PARD3B: variants seen among roughly 807,000 people sequenced by gnomAD.
PARD3B encodes the protein par-3 family cell polarity regulator beta, also known as partitioning defective 3 homolog B.
A neutral mutation model predicts 130.2 loss-of-function variants in PARD3B; 103 were observed. The observed-to-expected ratio is 0.79, with a 90% CI of 0.67 to 0.93. The LOEUF (loss-of-function observed/expected upper bound fraction) is 0.93. Among genes scored for constraint, PARD3B ranks in the 40% least tolerant of loss-of-function variants. PARD3B has a pLI of 0.00. For synonymous variants in PARD3B, 583 were observed against 553.2 expected (o/e 1.05, Z -0.76); for missense variants, 1,609 against 1,499.2 (o/e 1.07, Z -1.21).
chr2:205,475,188 G>A (rs986331152), intron 20 of PARD3B, among the ~76,000 whole-genome samples: 7 of 151,942 alleles, frequency 4.6e-5, no homozygotes, highest in Non-Finnish European at 1.0e-4. Flanking sequence ...GCGTCCCTTT[G>A]AATAGGCAGT....
chr2:204,794,269 C>T (rs535362432), intron 2 of PARD3B, among the ~76,000 whole-genome samples: 55 of 152,082 alleles, frequency 3.6e-4, no homozygotes, highest in Non-Finnish European at 6.9e-4. Context: ...AATGAAAATA[C>T]GTTGTTACCT....
chr2:205,435,720 A>G (rs569351651), intron 19 of PARD3B, among the ~76,000 whole-genome samples: 1 of 151,752 alleles, frequency 6.6e-6, no homozygotes, highest in African/African-American at 2.4e-5. Flanking sequence ...AAGATAGGGT[A>G]CTCTCTCCCA....
At chr2:205,375,823 T>C (rs1254777731) in intron 18 of PARD3B, among the ~76,000 whole-genome samples, 3 of 152,182 alleles carry the variant, frequency 2.0e-5, no homozygotes, top group Non-Finnish European at 4.4e-5. Flanking sequence ...TTTTAGGTAG[T>C]AGACTGAAAC....
At chr2:205,098,427 G>A (rs999126928) in intron 4 of PARD3B, among the ~76,000 whole-genome samples, 2 of 152,052 alleles carry the variant, frequency 1.3e-5, no homozygotes, top group Non-Finnish European at 2.9e-5. Flanking sequence ...TGATAGACAG[G>A]ACCGCTATTT....
chr2:204,925,437 T>C (rs11682005), intron 2 of PARD3B, among the ~76,000 whole-genome samples: 35,867 of 151,946 alleles, frequency 0.24, 4,665 homozygotes, highest in Non-Finnish European at 0.29. Flanking sequence ...GTTTTGACCT[T>C]GTAATTGAGC....
chr2:204,634,541 C>T (rs1172976300), intron 1 of PARD3B, among the ~76,000 whole-genome samples: 1 of 152,014 alleles, frequency 6.6e-6, no homozygotes, highest in Non-Finnish European at 1.5e-5. Context: ...ATGAGTCTTC[C>T]TTCCCCTCCT....
chr2:204,565,660 T>C (rs1428573407), intron 1 of PARD3B, among the ~76,000 whole-genome samples: 5 of 152,220 alleles, frequency 3.3e-5, no homozygotes, highest in Non-Finnish European at 7.3e-5. Flanking sequence ...CAACAAATGC[T>C]GTCATCTGTT....
chr2:205,349,820 TA>T (rs55951548), intron 18 of PARD3B, among the ~76,000 whole-genome samples: 1,801 of 139,534 alleles, frequency 0.013, 52 homozygotes, highest in African/African-American at 0.043. Flanking sequence ...TTTTTTTTTT[TA>T]AAAAAAGAGG....
chr2:205,444,495 G>A (rs1015533081), intron 20 of PARD3B, among the ~76,000 whole-genome samples: 6 of 152,136 alleles, frequency 3.9e-5, no homozygotes, highest in Non-Finnish European at 8.8e-5. Flanking sequence ...CCTGAATAAG[G>A]GTATTTTTCC....
At chr2:205,027,131 A>G (rs1386750978) in intron 3 of PARD3B, among the ~76,000 whole-genome samples, 1 of 152,062 alleles carries the variant, frequency 6.6e-6, no homozygotes. Context: ...TTTTTAAGGA[A>G]CCTCCATACT....
chr2:204,831,594 C>T (rs2043824114), intron 2 of PARD3B, among the ~76,000 whole-genome samples: 2 of 152,098 alleles, frequency 1.3e-5, no homozygotes, highest in African/African-American at 4.8e-5. Context: ...TAGAGAGAAA[C>T]AGAATTTTTT....
chr2:204,767,105 T>A (rs1160688518), intron 2 of PARD3B, among the ~76,000 whole-genome samples: 1 of 112,164 alleles, frequency 8.9e-6, no homozygotes, highest in South Asian at 3.6e-4. Context: ...CCCACTAATG[T>A]GTCATCTAGC....
chr2:204,672,933 G>C (rs368906759), intron 1 of PARD3B, among the ~76,000 whole-genome samples: 1 of 152,148 alleles, frequency 6.6e-6, no homozygotes, highest in Non-Finnish European at 1.5e-5. Context: ...CAGAAATGGC[G>C]CTGCCTTTGG....
intron 19 of PARD3B, among the ~76,000 whole-genome samples, chr2:205,412,934 C>A (rs917363795): frequency 6.6e-6 from 1 of 152,214 alleles, no homozygotes; most frequent in Admixed American, 6.5e-5. Context: ...TATATAACAT[C>A]ATAGGAATGT....
At chr2:205,200,393 C>G (rs1183121989) in intron 15 of PARD3B, among the ~76,000 whole-genome samples, 2 of 152,084 alleles carry the variant, frequency 1.3e-5, no homozygotes, top group Admixed American at 6.6e-5. Context: ...CTCTTTCAGT[C>G]TTAGTTAATT....
chr2:205,040,794 A>G (rs1698342197), intron 3 of PARD3B, among the ~76,000 whole-genome samples: 1 of 152,166 alleles, frequency 6.6e-6, no homozygotes, highest in South Asian at 2.1e-4. Flanking sequence ...CTAAGTGTCA[A>G]CAGTCGTGGA....
chr2:204,646,742 CT>C (rs2035288749), intron 1 of PARD3B, among the ~76,000 whole-genome samples: 1 of 152,084 alleles, frequency 6.6e-6, no homozygotes, highest in South Asian at 2.1e-4. Flanking sequence ...AGTTCTGGTT[CT>C]TCCACATCCT....
intron 10 of PARD3B, among the ~76,000 whole-genome samples, chr2:205,152,866 GCT>G (rs1400256456): frequency 1.3e-5 from 2 of 152,124 alleles, no homozygotes; most frequent in Admixed American, 6.5e-5. Flanking sequence ...CAGCTTTTCT[GCT>G]CTGTTTTTTC....
intron 2 of PARD3B, among the ~76,000 whole-genome samples, chr2:204,715,514 T>C (rs913628167): frequency 6.6e-6 from 1 of 151,308 alleles, no homozygotes; most frequent in African/African-American, 2.4e-5. Flanking sequence ...TGCTGTTGAC[T>C]ATGCAACTGA....
Sources: gnomAD v4.1 joint callset for allele counts (sites outside exome capture counted in the v4.1 genomes callset) on GRCh38, gnomAD v4.1.1 for gene constraint, MANE v1.5 for transcripts, NCBI Gene and HGNC (gene_info 2026-07-23, HGNC 2026-07-21) for gene names.